The following NUDC variants were observed in gnomAD, a reference collection of about 807,000 sequenced individuals.
NUDC encodes the protein nuclear migration protein nudC.
In NUDC, 14 loss-of-function variants were observed where a neutral mutation model predicts 45.0. The observed-to-expected ratio is 0.31, with a 90% CI of 0.21 to 0.49. The LOEUF (loss-of-function observed/expected upper bound fraction) is 0.49, where lower values mean the gene tolerates loss of function less well. NUDC is among the 20% of genes least tolerant of loss of function. NUDC has a pLI of 0.99. For synonymous variants in NUDC, 153 were observed against 156.7 expected (o/e 0.98, Z 0.17); for missense variants, 323 against 426.2 (o/e 0.76, Z 2.13).
Position 26,924,172 on chromosome 1 carries a change from T to A in NUDC, c.159+6T>A. On this transcript the variant is annotated splice_donor_region_variant and intron_variant, in intron 2 of 8. Coordinates refer to ENST00000321265, the MANE Select transcript of NUDC (RefSeq NM_006600.4). Reference sequence around the variant, plus strand: ...AAGAAGGGATGGCAGAGAAGGTAAGTGTTGGAAACCACTGTCCTTTGGGCG... The same window carrying A: ...AAGAAGGGATGGCAGAGAAGGTAAGAGTTGGAAACCACTGTCCTTTGGGCG... 1.2e-6 allele frequency: 2 copies of A among 1,613,644 alleles called. No homozygotes were observed. Among genetic ancestry groups the A allele is most frequent in the South Asian group, 2.2e-5 (2 of 91,070 alleles).
intron 1 of NUDC, among the ~76,000 whole-genome samples, chr1:26,901,996 A>G (rs1441073630): frequency 6.6e-6 from 1 of 152,206 alleles, no homozygotes; most frequent in Admixed American, 6.5e-5. Flanking sequence ...GTTTATCAGA[A>G]GACTTATTGA....
At chr1:26,913,807 C>A in intron 3 of NUDC, 2 of 1,526,314 alleles carry the variant, frequency 1.3e-6, no homozygotes, top group Middle Eastern at 1.8e-4. Flanking sequence ...CTGGACGGGC[C>A]GGTGCTGCCT....
intron 2 of NUDC, among the ~76,000 whole-genome samples, chr1:26,904,313 C>T (rs561154903): frequency 1.3e-5 from 2 of 151,282 alleles, no homozygotes; most frequent in African/African-American, 4.8e-5. Context: ...ACTGGGACTA[C>T]AGGCAAGCAC....
intron 2 of NUDC, chr1:26,911,001 T>A (rs2082023055): frequency 2.5e-6 from 1 of 405,114 alleles, no homozygotes; most frequent in African/African-American, 2.1e-5. Flanking sequence ...ACTGATGTAG[T>A]CAAATCCTGG....
chr1:26,903,810 A>G (rs2081990712), intron 2 of NUDC, among the ~76,000 whole-genome samples: 1 of 151,956 alleles, frequency 6.6e-6, no homozygotes, highest in African/African-American at 2.4e-5. Context: ...GGAGATTGAG[A>G]CCATCCTGGC....
Position 26,942,756 on chromosome 1 carries a change from C to T in NUDC, c.526C>T (p.Gln176Ter). Reference protein sequence around the residue: ...GADLPNYRWTQTLSELDLAVP... With the variant: ...GADLPNYRWT ...AGACCTGCCCAATTACCGCTGGACC[C>T]AGACCCTGTCGGAGCTGGACGTGAG... The change falls in exon 5 of 9, where the codon CAG (glutamine) becomes TAG (stop). Residue 176 changes from glutamine to a stop codon, truncating the protein, a stop_gained. Transcript: ENST00000321265. LOFTEE classifies it high-confidence loss of function. The T allele has an allele frequency of 6.2e-7, 1 of 1,614,222 alleles. No individual in the cohort carries two copies. The highest frequency in any genetic ancestry group is 8.5e-7 in the Non-Finnish European group (1 of 1,180,034).
chr1:26,927,264 C>CGTGTGTGTGT (rs60238934), intron 2 of NUDC, among the ~76,000 whole-genome samples: 14,276 of 91,514 alleles, frequency 0.16, 2,080 homozygotes, highest in East Asian at 0.26. Flanking sequence ...AGAGATGAAC[C>CGTGTGTGTGT]GTGTGTGTGT....
chr1:26,941,947 C>A, intron 4 of NUDC, 129 bp downstream of exon 4: 1 of 893,654 alleles, frequency 1.1e-6, no homozygotes. Context: ...GGGAATCTTC[C>A]CCATACTTTA....
chr1:26,914,887 A>G (rs917614446), intron 3 of NUDC, among the ~76,000 whole-genome samples: 1 of 151,956 alleles, frequency 6.6e-6, no homozygotes, highest in African/African-American at 2.4e-5. Flanking sequence ...GAATCACTCG[A>G]AACTGGGAGG....
chr1:26,909,780 G>A (rs1340397477), intron 2 of NUDC, among the ~76,000 whole-genome samples: 1 of 152,092 alleles, frequency 6.6e-6, no homozygotes, highest in Non-Finnish European at 1.5e-5. Flanking sequence ...AGGTCAGAGA[G>A]AGTCCTGGGG....
At chr1:26,942,020 G>A (rs1014620712) in intron 4 of NUDC, among the ~76,000 whole-genome samples, 3 of 152,124 alleles carry the variant, frequency 2.0e-5, no homozygotes, top group Admixed American at 6.6e-5. Context: ...CCTGCCAGGC[G>A]CAGTGGCTCA....
At chr1:26,920,830 C>G (rs1269558561), upstream of NUDC, among the ~76,000 whole-genome samples, 1 of 151,562 alleles carries the variant, frequency 6.6e-6, no homozygotes, top group Non-Finnish European at 1.5e-5. Context: ...CCCAGCTACT[C>G]TGGAGGCTGA....
intron 2 of NUDC, among the ~76,000 whole-genome samples, chr1:26,910,924 G>T (rs2082022633): frequency 6.6e-6 from 1 of 152,174 alleles, no homozygotes; most frequent in Admixed American, 6.5e-5. Flanking sequence ...GGCAGGGAAG[G>T]AAACTGGGGA....
chr1:26,916,638 T>C (rs2082063174), intron 3 of NUDC, among the ~76,000 whole-genome samples: 1 of 152,040 alleles, frequency 6.6e-6, no homozygotes, highest in South Asian at 2.1e-4. Flanking sequence ...TTAGAAAGCA[T>C]GAAGTAGGCA....
At chr1:26,930,591 T>TC (rs1048991020) in intron 2 of NUDC, among the ~76,000 whole-genome samples, 2 of 151,808 alleles carry the variant, frequency 1.3e-5, no homozygotes, top group African/African-American at 4.8e-5. Flanking sequence ...AAGCCTGTAG[T>TC]CCCAGCTACT....
intron 2 of NUDC, among the ~76,000 whole-genome samples, chr1:26,931,768 T>G (rs1427145035): frequency 6.8e-6 from 1 of 147,612 alleles, no homozygotes; most frequent in African/African-American, 2.5e-5. Context: ...AGAACGAGAC[T>G]CCATCTCAAA....
At chr1:26,923,214 C>G (rs1430502897) in intron 1 of NUDC, among the ~76,000 whole-genome samples, 1 of 152,158 alleles carries the variant, frequency 6.6e-6, no homozygotes, top group African/African-American at 2.4e-5. Context: ...GCCAGTGGGT[C>G]TCTTGCTCTG....
At chr1:26,934,416 C>T (rs2082209786) in intron 2 of NUDC, among the ~76,000 whole-genome samples, 1 of 152,158 alleles carries the variant, frequency 6.6e-6, no homozygotes, top group Admixed American at 6.5e-5. Context: ...AATTACAATT[C>T]AAGGTGAGAT....
At chr1:26,940,501 C>T (rs920023661) in intron 2 of NUDC, among the ~76,000 whole-genome samples, 2 of 151,420 alleles carry the variant, frequency 1.3e-5, no homozygotes, top group Non-Finnish European at 2.9e-5. Context: ...AAAAAAAAAG[C>T]TCCCTGGCTT....
Sources: allele counts gnomAD v4.1 joint callset (sites outside exome capture counted in the v4.1 genomes callset), GRCh38; gene constraint gnomAD v4.1.1; transcripts MANE v1.5; gene names NCBI Gene and HGNC (gene_info 2026-07-23, HGNC 2026-07-21).